Variants in RPRD1A observed in about 807,000 individuals in gnomAD.
The protein encoded by RPRD1A is regulation of nuclear pre-mRNA domain-containing protein 1A.
RPRD1A carries 9 observed loss-of-function variants against 37.8 expected under a neutral mutation model. That is an observed-to-expected ratio of 0.24 (90% CI 0.14 to 0.42). The LOEUF (loss-of-function observed/expected upper bound fraction) is 0.42, where lower values mean the gene tolerates loss of function less well. Among genes scored for constraint, RPRD1A ranks in the 10% least tolerant of loss-of-function variants. The pLI is 1.00. For missense variants in RPRD1A, 255 were observed against 371.0 expected (o/e 0.69, Z 2.57); for synonymous variants, 138 against 139.7 (o/e 0.99, Z 0.08).
intron 1 of RPRD1A, among the ~76,000 whole-genome samples, chr18:36,037,792 C>G (rs190436126): frequency 6.6e-6 from 1 of 152,280 alleles, no homozygotes; most frequent in East Asian, 1.9e-4. Context: ...GATGAGGAAC[C>G]TGTTGGAAAC....
At chr18:36,037,186 T>C (rs994933331) in intron 1 of RPRD1A, among the ~76,000 whole-genome samples, 3 of 152,108 alleles carry the variant, frequency 2.0e-5, no homozygotes, top group Admixed American at 6.5e-5. Flanking sequence ...AAATAACATA[T>C]ACTTGTGATA....
At chr18:36,060,002 T>G (rs2088873653) in intron 1 of RPRD1A, among the ~76,000 whole-genome samples, 1 of 152,234 alleles carries the variant, frequency 6.6e-6, no homozygotes, top group Non-Finnish European at 1.5e-5. Context: ...ATTGTCTACT[T>G]ACTTTTTCAA....
chr18:36,009,002 G>A (rs1288475606), intron 6 of RPRD1A, among the ~76,000 whole-genome samples: 1 of 152,124 alleles, frequency 6.6e-6, no homozygotes, highest in Non-Finnish European at 1.5e-5. Flanking sequence ...TGGGAGTAGG[G>A]AGAGGAAACT....
chr18:36,040,592 C>A (rs1912510908), intron 1 of RPRD1A, among the ~76,000 whole-genome samples: 2 of 152,074 alleles, frequency 1.3e-5, no homozygotes. Context: ...TGAGGTACGT[C>A]ATGAAATCTA....
At chr18:36,060,441 A>T (rs2088885649) in intron 1 of RPRD1A, among the ~76,000 whole-genome samples, 1 of 152,238 alleles carries the variant, frequency 6.6e-6, no homozygotes, top group African/African-American at 2.4e-5. Context: ...CTCAAAAAAA[A>T]TAAAAAAGAA....
intron 1 of RPRD1A, among the ~76,000 whole-genome samples, chr18:36,046,887 TAAA>T (rs140735259): frequency 7.6e-6 from 1 of 131,902 alleles, no homozygotes. Context: ...ATGCATCCAC[TAAA>T]AAAAAAAAAA....
At chr18:36,065,381 G>A (rs1347729225) in intron 1 of RPRD1A, among the ~76,000 whole-genome samples, 2 of 152,100 alleles carry the variant, frequency 1.3e-5, no homozygotes, top group East Asian at 1.9e-4. Context: ...TAGTCCATTC[G>A]TGAGAACTTT....
rs71381561 is a variant in RPRD1A at position 36,008,589 on chromosome 18, A to ATATATATATATCTC, written c.790-15290_790-15289insGAGATATATATATA. Among the ~76,000 whole-genome samples the ATATATATATATCTC allele has an allele frequency of 3.3e-5, 3 of 90,822 alleles. 1 individual carries two copies. Among genetic ancestry groups the ATATATATATATCTC allele is most frequent in the East Asian group, 6.9e-4 (2 of 2,900 alleles). 59.6% of individuals were successfully genotyped at this position (90,822 alleles called of 152,430 possible). ...AGACCTTGTGTGTGTATATATATAT[A>ATATATATATATCTC]TCTTTAAAAATCTCTCTAGGAAAAA... is the stretch of plus-strand genomic sequence containing the variant. On this transcript the variant is annotated intron_variant, in intron 6 of 6. Transcript: ENST00000399022.
At chr18:36,002,076 C>G (rs1909455485) in intron 6 of RPRD1A, among the ~76,000 whole-genome samples, 1 of 132,720 alleles carries the variant, frequency 7.5e-6, no homozygotes, top group African/African-American at 3.0e-5. Context: ...TATGGCATGC[C>G]TAAGTAGAGA....
At chr18:36,064,133 C>T (rs138713806) in intron 1 of RPRD1A, 2,126 of 152,434 alleles carry the variant, frequency 0.014, 22 homozygotes, top group Middle Eastern at 0.031. Context: ...TCGGCCTCGG[C>T]GTCTGCTCTG....
chr18:36,049,574 T>C (rs1330610748), intron 1 of RPRD1A, among the ~76,000 whole-genome samples: 1 of 152,262 alleles, frequency 6.6e-6, no homozygotes, highest in Non-Finnish European at 1.5e-5. Context: ...ATTTGTTCTT[T>C]TGTGACTAGT....
intron 2 of RPRD1A, among the ~76,000 whole-genome samples, chr18:36,031,869 G>C (rs1012985996): frequency 2.6e-5 from 4 of 152,046 alleles, no homozygotes; most frequent in Non-Finnish European, 5.9e-5. Flanking sequence ...CCTTACTCTG[G>C]GCCATAAGGC....
chr18:36,014,114 T>C (rs1408515544), intron 6 of RPRD1A, among the ~76,000 whole-genome samples: 4 of 152,148 alleles, frequency 2.6e-5, no homozygotes, highest in Admixed American at 2.6e-4. Flanking sequence ...TGGACAAATA[T>C]TTTTTGCTAA....
intron 4 of RPRD1A, 49 bp from the exon 5 acceptor site, chr18:36,027,359 T>C (rs1162026470): frequency 1.3e-6 from 2 of 1,593,418 alleles, no homozygotes; most frequent in Admixed American, 3.4e-5. Context: ...CTTAAACAAG[T>C]GCAAAAGACT....
intron 1 of RPRD1A, among the ~76,000 whole-genome samples, chr18:36,065,113 G>A (rs1007407055): frequency 6.6e-6 from 1 of 152,226 alleles, no homozygotes; most frequent in South Asian, 2.1e-4. Context: ...CTATAACACC[G>A]CGAGGGTCCA....
intron 6 of RPRD1A, among the ~76,000 whole-genome samples, chr18:35,996,977 CAAAA>C (rs200694089): frequency 1.3e-4 from 7 of 55,612 alleles, no homozygotes; most frequent in Admixed American, 2.2e-4. Context: ...GACCCTGTCT[CAAAA>C]AAAAAAAAAA....
rs545392514 is a variant in RPRD1A, at chr18:35,990,025, G to A, written c.*3126C>T. The A allele has an allele frequency of 6.6e-6, 1 of 152,242 alleles. No individual in the cohort carries two copies. Among genetic ancestry groups the A allele is most frequent in the East Asian group, 1.9e-4 (1 of 5,184 alleles). The allele number at this position is 152,242 out of a possible 1,614,324, so 9.4% of individuals were successfully genotyped here. A position where few individuals can be genotyped will look rare whatever the true frequency, so the allele number is the denominator to read the frequency against. ...TAAATAATTCATTAAGTAACACAAT[G>A]TTTCCTTTCTATACAGAGAAGAACT... is the stretch of plus-strand genomic sequence containing the variant. On this transcript the variant is annotated 3_prime_UTR_variant, in exon 7 of 7. Transcript: ENST00000399022.
chr18:36,035,796 G>C (rs144836082), intron 1 of RPRD1A, among the ~76,000 whole-genome samples: 1 of 152,262 alleles, frequency 6.6e-6, no homozygotes, highest in East Asian at 1.9e-4. Context: ...TTACAACATG[G>C]ATGAATCTCC....
At chr18:36,014,682 G>C (rs1427145946) in intron 6 of RPRD1A, among the ~76,000 whole-genome samples, 1 of 152,198 alleles carries the variant, frequency 6.6e-6, no homozygotes, top group Non-Finnish European at 1.5e-5. Context: ...GGCAGAGCTT[G>C]CAGTGAGCCG....
Sources: allele counts gnomAD v4.1 joint callset (sites outside exome capture counted in the v4.1 genomes callset), GRCh38; gene constraint gnomAD v4.1.1; transcripts MANE v1.5; gene names NCBI Gene and HGNC (gene_info 2026-07-23, HGNC 2026-07-21).